STXBP5: variants seen among roughly 807,000 people sequenced by gnomAD.
STXBP5 encodes syntaxin binding protein 5.
A neutral mutation model predicts 152.4 loss-of-function variants in STXBP5; 50 were observed. The ratio of observed to expected loss-of-function variants is 0.33; its 90% CI spans 0.26 to 0.42. STXBP5 has a LOEUF of 0.42. STXBP5 is among the 10% of genes least tolerant of loss of function. The pLI is 1.00. For synonymous variants in STXBP5, 492 were observed against 494.7 expected, an observed-to-expected ratio of 0.99 and a Z score of 0.07; for missense variants, 1,167 against 1,388.6, an observed-to-expected ratio of 0.84 and a Z score of 2.54.
chr6:147,212,705 G>A (rs540703679), intron 2 of STXBP5, among the ~76,000 whole-genome samples: 1 of 152,234 alleles, frequency 6.6e-6, no homozygotes, highest in African/African-American at 2.4e-5. Flanking sequence ...CCTCAGCTTT[G>A]TGTCCATTGA....
At chr6:147,261,390 A>G (rs1779631973) in intron 5 of STXBP5, among the ~76,000 whole-genome samples, 3 of 151,918 alleles carry the variant, frequency 2.0e-5, no homozygotes, top group South Asian at 4.1e-4. Flanking sequence ...ATCTCTTTCT[A>G]CAAGTTTTTT....
chr6:147,212,078 G>A (rs1776886390), intron 2 of STXBP5, among the ~76,000 whole-genome samples: 1 of 152,188 alleles, frequency 6.6e-6, no homozygotes, highest in African/African-American at 2.4e-5. Context: ...TGCTGTATCA[G>A]CTGTAAGTTG....
chr6:147,372,107 A>G (rs1785567560), intron 25 of STXBP5, among the ~76,000 whole-genome samples: 1 of 152,154 alleles, frequency 6.6e-6, no homozygotes, highest in Admixed American at 6.5e-5. Context: ...CAGGTTTACT[A>G]CACTTTATAG....
At chr6:147,374,813 G>T (rs891955861) in intron 26 of STXBP5, among the ~76,000 whole-genome samples, 6 of 152,078 alleles carry the variant, frequency 3.9e-5, no homozygotes. Context: ...CAAGAGTGGG[G>T]ACCCTAAAAT....
intron 4 of STXBP5, among the ~76,000 whole-genome samples, chr6:147,250,895 G>A (rs1269291131): frequency 6.7e-6 from 1 of 149,702 alleles, no homozygotes; most frequent in Non-Finnish European, 1.5e-5. Flanking sequence ...TTGAACCTGG[G>A]AGGCGGAGGT....
At chr6:147,327,061 C>A in intron 17 of STXBP5, 64 bp from the exon 18 acceptor site, 1 of 1,468,300 alleles carries the variant, frequency 6.8e-7, no homozygotes, top group Non-Finnish European at 9.4e-7. Context: ...GCCTTATAGA[C>A]TGTAGTACAT....
At chr6:147,268,816 G>C (rs1198178273) in intron 7 of STXBP5, among the ~76,000 whole-genome samples, 1 of 152,186 alleles carries the variant, frequency 6.6e-6, no homozygotes, top group African/African-American at 2.4e-5. Flanking sequence ...GTTTTCAGCA[G>C]TTAGACAGCA....
At chr6:147,349,688 C>T (rs1050597194) in intron 21 of STXBP5, among the ~76,000 whole-genome samples, 3 of 152,100 alleles carry the variant, frequency 2.0e-5, no homozygotes, top group Admixed American at 6.6e-5. Context: ...GTACATACTA[C>T]ATTTTGGAGT....
chr6:147,345,864 G>C (rs996711940), intron 21 of STXBP5, among the ~76,000 whole-genome samples: 9 of 152,132 alleles, frequency 5.9e-5, no homozygotes, highest in African/African-American at 2.2e-4. Flanking sequence ...ATTGTGATCA[G>C]GTATAACTTC....
intron 8 of STXBP5, among the ~76,000 whole-genome samples, chr6:147,278,931 TCAGTCATGCAGG>T (rs1318249197): frequency 6.6e-6 from 1 of 152,094 alleles, no homozygotes; most frequent in Non-Finnish European, 1.5e-5. Context: ...TTTATTGGGG[TCAGTCATGCAGG>T]CATCCTCTGC....
chr6:147,234,655 C>T (rs1778179130), intron 2 of STXBP5, among the ~76,000 whole-genome samples: 1 of 151,706 alleles, frequency 6.6e-6, no homozygotes, highest in African/African-American at 2.4e-5. Flanking sequence ...TATTGTATGC[C>T]AATTCATTTT....
chr6:147,311,132 T>C (rs1782355161), intron 10 of STXBP5, among the ~76,000 whole-genome samples: 2 of 152,182 alleles, frequency 1.3e-5, no homozygotes, highest in Non-Finnish European at 2.9e-5. Flanking sequence ...TTTGGGTTCC[T>C]GTGAGATTAA....
chr6:147,377,492 A>G (rs1364078594), intron 26 of STXBP5, among the ~76,000 whole-genome samples: 1 of 152,218 alleles, frequency 6.6e-6, no homozygotes, highest in African/African-American at 2.4e-5. Flanking sequence ...CTATATCAAA[A>G]TACCATAAAC....
intron 10 of STXBP5, among the ~76,000 whole-genome samples, chr6:147,310,529 GTGATTGA>G (rs942935199): frequency 1.3e-5 from 2 of 150,112 alleles, no homozygotes; most frequent in African/African-American, 4.9e-5. Context: ...AGGAGAGAAA[GTGATTGA>G]TTGATTGATT....
chr6:147,209,465 C>T (rs1031984647), intron 2 of STXBP5, among the ~76,000 whole-genome samples: 16 of 151,774 alleles, frequency 1.1e-4, no homozygotes, highest in Non-Finnish European at 2.1e-4. Context: ...TCTGGTTCTT[C>T]GCTTTCCACT....
rs572755135 is a variant in STXBP5 at position 147,347,212 on chromosome 6, C to T, written c.2255-6111C>T. ...GTTAGAAAAAGAAGGGCAAATTAAA[C>T]GCCAAGTTAATAGAAGGAATAAAAT... On this transcript the variant is annotated intron_variant, in intron 21 of 27. Transcript: ENST00000321680. 6.6e-5 allele frequency among the ~76,000 whole-genome samples: 10 copies of T among 152,168 alleles called. No individual in the cohort carries two copies. In the South Asian group the frequency reaches 1.5e-3, roughly 22 times the overall value.
In STXBP5 at chr6:147,314,158, A is replaced by G; in HGVS notation, c.1294-106A>G. 2.1e-6 allele frequency: 3 copies of G among 1,434,476 alleles called. No individual in the cohort carries two copies. The South Asian group carries it at 3.7e-5, about 18-fold the overall frequency. 88.9% of individuals were successfully genotyped at this position (1,434,476 alleles called of 1,614,324 possible). A position where few individuals can be genotyped will look rare whatever the true frequency, so the allele number is the denominator to read the frequency against. On this transcript the variant is annotated intron_variant, in intron 12 of 27. Transcript: ENST00000321680. ...AGGTTAAAAATTATTTTTGCAAGCA[A>G]AATATGTTTTTCACTGGATTATTTA...
At position 147,385,325 on chromosome 6, in the gene STXBP5, AAAT is replaced by A. The variant is rs1235915991; in HGVS notation, c.*576_*578del. On this transcript the variant is annotated 3_prime_UTR_variant, in exon 28 of 28. Transcript: ENST00000321680. Reference sequence around the variant, plus strand: ...ACAGATAAGCTGAATGGTGGGCTTTAAATAATAAAAACATACACATAGTTGACT... The same window carrying A: ...ACAGATAAGCTGAATGGTGGGCTTTAAATAAAAACATACACATAGTTGACT... 1.3e-5 allele frequency: 2 copies of A among 152,028 alleles called. No individual in the cohort carries two copies. Among genetic ancestry groups the A allele is most frequent in the African/African-American group, 2.4e-5 (1 of 41,332 alleles). 9.4% of individuals were successfully genotyped at this position (152,028 alleles called of 1,614,324 possible).
At chr6:147,220,338 G>A (rs1777396753) in intron 2 of STXBP5, among the ~76,000 whole-genome samples, 2 of 152,044 alleles carry the variant, frequency 1.3e-5, no homozygotes. Context: ...TGAGAAGAAT[G>A]TGTGTTTTGC....
Sources: allele counts gnomAD v4.1 joint callset (sites outside exome capture counted in the v4.1 genomes callset), GRCh38; gene constraint gnomAD v4.1.1; transcripts MANE v1.5; gene names NCBI Gene and HGNC (gene_info 2026-07-23, HGNC 2026-07-21).